Variants in MMP26 observed in about 807,000 individuals in gnomAD.
MMP26 encodes the protein matrix metalloproteinase-26.
In MMP26, 33 loss-of-function variants were observed where a neutral mutation model predicts 31.0. The ratio of observed to expected loss-of-function variants is 1.06; its 90% CI spans 0.81 to 1.42. The LOEUF is 1.42. Ranked by LOEUF, MMP26 falls within the 40% of genes most tolerant of loss-of-function variation. MMP26 has a pLI of 0.00. For synonymous variants in MMP26, 122 were observed against 114.9 expected, an observed-to-expected ratio of 1.06 and a Z score of -0.40; for missense variants, 347 against 316.1, an observed-to-expected ratio of 1.10 and a Z score of -0.74.
chr11:4,817,834 T>C (rs549513545), intron 2 of MMP26, among the ~76,000 whole-genome samples: 6 of 152,210 alleles, frequency 3.9e-5, no homozygotes, highest in African/African-American at 1.4e-4. Flanking sequence ...GCAGGGCTTC[T>C]TAGAGAAGGC....
At chr11:4,957,678 TG>T (rs1357436753) in intron 2 of MMP26, among the ~76,000 whole-genome samples, 1 of 151,956 alleles carries the variant, frequency 6.6e-6, no homozygotes, top group Non-Finnish European at 1.5e-5. Flanking sequence ...CACACACTTC[TG>T]TTTTTTTTTC....
chr11:4,872,545 A>G (rs1030558599), intron 2 of MMP26, among the ~76,000 whole-genome samples: 1 of 151,966 alleles, frequency 6.6e-6, no homozygotes, highest in African/African-American at 2.4e-5. Flanking sequence ...CTCAAGGTCA[A>G]TAGCAGATAG....
intron 2 of MMP26, among the ~76,000 whole-genome samples, chr11:4,788,598 AT>A (rs1198322473): frequency 6.6e-6 from 1 of 152,148 alleles, no homozygotes; most frequent in African/African-American, 2.4e-5. Context: ...TTTTTTTAAC[AT>A]TTGATACAGT....
chr11:4,758,682 G>A (rs539098689), intron 1 of MMP26, among the ~76,000 whole-genome samples: 1 of 151,886 alleles, frequency 6.6e-6, no homozygotes, highest in Non-Finnish European at 1.5e-5. Context: ...TATTTGATTT[G>A]GTAAAATTCA....
At chr11:4,824,668 C>T (rs940518802) in intron 2 of MMP26, among the ~76,000 whole-genome samples, 1 of 152,110 alleles carries the variant, frequency 6.6e-6, no homozygotes, top group Non-Finnish European at 1.5e-5. Flanking sequence ...AACATGTCAA[C>T]TTCCCTGATA....
chr11:4,816,321 C>G (rs7926149), intron 2 of MMP26, among the ~76,000 whole-genome samples: 2,386 of 152,266 alleles, frequency 0.016, 59 homozygotes, highest in African/African-American at 0.045. Context: ...CATATGCAAT[C>G]TAGAAGAATA....
At chr11:4,821,256 G>A in intron 2 of MMP26, 1 of 739,946 alleles carries the variant, frequency 1.4e-6, no homozygotes, top group Non-Finnish European at 2.2e-6. Flanking sequence ...GACTTGGAGA[G>A]AAATGTGTAG....
intron 2 of MMP26, among the ~76,000 whole-genome samples, chr11:4,827,178 G>A (rs191277379): frequency 2.6e-5 from 4 of 152,206 alleles, no homozygotes; most frequent in African/African-American, 4.8e-5. Flanking sequence ...AAAGATTTGC[G>A]GTGATGCACT....
rs138114679 is a variant in MMP26, at chr11:4,816,427, T to C, written c.-145+49086T>C. Among the ~76,000 whole-genome samples the C allele has an allele frequency of 9.2e-5, 14 of 152,258 alleles. No individual in the cohort carries two copies. The East Asian group carries it at 2.7e-3, about 29-fold the overall frequency. ...TTTCTTTATTGGTTTTCTGTCTGGG[T>C]GATTTGTTCATTGCTGAAAGTAGGA... On this transcript the variant is annotated intron_variant, in intron 2 of 7. Coordinates refer to ENST00000380390, the MANE Select transcript of MMP26 (RefSeq NM_021801.5).
intron 2 of MMP26, among the ~76,000 whole-genome samples, chr11:4,884,763 A>AT (rs1052719066): frequency 2.0e-5 from 3 of 152,042 alleles, no homozygotes; most frequent in South Asian, 2.1e-4. Flanking sequence ...GAAAAACAGT[A>AT]TTTTTTTTCT....
chr11:4,932,333 G>A (rs1354816346), intron 2 of MMP26, among the ~76,000 whole-genome samples: 1 of 151,860 alleles, frequency 6.6e-6, no homozygotes, highest in Non-Finnish European at 1.5e-5. Context: ...TTCCATTCAT[G>A]TATAACTAAT....
At chr11:4,850,060 T>G (rs1171960400) in intron 2 of MMP26, among the ~76,000 whole-genome samples, 1 of 152,218 alleles carries the variant, frequency 6.6e-6, no homozygotes, top group Non-Finnish European at 1.5e-5. Context: ...GTCACCCTAC[T>G]TGGCTACTGA....
At chr11:4,723,059 T>C in intron 1 of MMP26, 1 of 1,193,334 alleles carries the variant, frequency 8.4e-7, no homozygotes, top group Non-Finnish European at 1.2e-6. Flanking sequence ...TTTCATCAGC[T>C]CCTGGTACCC....
intron 1 of MMP26, chr11:4,756,763 G>A (rs1055108456): frequency 6.6e-6 from 1 of 151,628 alleles, no homozygotes; most frequent in Non-Finnish European, 1.5e-5. Flanking sequence ...CTTTGGCCTA[G>A]TGAGTAGAGT....
At chr11:4,895,601 G>A (rs1310552117) in intron 2 of MMP26, among the ~76,000 whole-genome samples, 2 of 152,202 alleles carry the variant, frequency 1.3e-5, no homozygotes, top group African/African-American at 2.4e-5. Flanking sequence ...GTGAAGTGAA[G>A]TGAATAGTGC....
At chr11:4,784,546 C>G (rs1253945555) in intron 2 of MMP26, among the ~76,000 whole-genome samples, 1 of 152,106 alleles carries the variant, frequency 6.6e-6, no homozygotes, top group Admixed American at 6.5e-5. Context: ...AAGGAGAAGG[C>G]CATGTGAAGA....
chr11:4,867,331 A>C (rs1309505307), intron 2 of MMP26, among the ~76,000 whole-genome samples: 2 of 152,028 alleles, frequency 1.3e-5, no homozygotes, highest in African/African-American at 4.8e-5. Flanking sequence ...ACATATGACA[A>C]AAAGCTCAAC....
Position 4,786,938 on chromosome 11 carries a change from A to T in MMP26, c.-145+19597A>T, listed in dbSNP as rs146567319. 271 of 152,718 alleles carry T rather than the reference A, an allele frequency of 1.8e-3. 4 individuals are homozygous for T. Among genetic ancestry groups the T allele is most frequent in the East Asian group, 7.5e-3 (39 of 5,172 alleles). 9.5% of individuals were successfully genotyped at this position (152,718 alleles called of 1,614,324 possible). On this transcript the variant is annotated intron_variant, in intron 2 of 7. Coordinates refer to ENST00000380390, the MANE Select transcript of MMP26 (RefSeq NM_021801.5). ...GAGCCAAACCTCCATGAACCCATGT[A>T]CTGTTTTCTCTTCATGCTGTCTGCC...
chr11:4,991,449 G>C lies in MMP26; in HGVS notation c.548G>C (p.Gly183Ala). The change falls in exon 6 of 8, where the codon GGA becomes GCA. Residue 183 changes from glycine to alanine, a missense_variant. Gly to Ala is a moderately conservative substitution (Grantham distance 60). Transcript: ENST00000380390. ...HAFLPNSGNP[G>A]VVHFDKNEHW... Reference sequence around the variant, plus strand: ...TTTTTACCAAATTCTGGAAATCCTGGAGTTGTCCATTTTGACAAGAATGAA... The same window carrying C: ...TTTTTACCAAATTCTGGAAATCCTGCAGTTGTCCATTTTGACAAGAATGAA... The C allele has an allele frequency of 3.1e-6, 5 of 1,614,026 alleles. No individual in the cohort carries two copies. Among genetic ancestry groups the C allele is most frequent in the Non-Finnish European group, 4.2e-6 (5 of 1,179,910 alleles).
Sources: allele counts gnomAD v4.1 joint callset (sites outside exome capture counted in the v4.1 genomes callset), GRCh38; gene constraint gnomAD v4.1.1; transcripts MANE v1.5; gene names NCBI Gene and HGNC (gene_info 2026-07-23, HGNC 2026-07-21).